The following SRBD1 variants were observed in gnomAD, a reference collection of about 807,000 sequenced individuals.
SRBD1 encodes S1 RNA-binding domain-containing protein 1.
Under a neutral mutation model 115.3 loss-of-function variants are expected in SRBD1, and 88 were observed. The observed-to-expected ratio is 0.76, with a 90% confidence interval of 0.64 to 0.91. The LOEUF is 0.91. Ranked by LOEUF, SRBD1 falls within the 40% of genes least tolerant of loss-of-function variation. The probability of loss-of-function intolerance (pLI) is 0.00; values close to 1 mark genes in which losing one functional copy is unlikely to be tolerated. For missense variants in SRBD1, 1,385 were observed against 1,177.4 expected (o/e 1.18, Z -2.58); for synonymous variants, 509 against 407.7 (o/e 1.25, Z -2.99).
chr2:45,565,989 G>T lies in SRBD1; in HGVS notation c.1306-3233C>A, dbSNP rs148107782. ...ATTTGTTCAAAAATTATATACAAAT[G>T]ACTGATAAGTACATGAATAGATGCT... is the stretch of plus-strand genomic sequence containing the variant. On this transcript the variant is annotated intron_variant, in intron 9 of 20. Coordinates refer to ENST00000263736, the MANE Select transcript of SRBD1 (RefSeq NM_018079.5). Among the ~76,000 whole-genome samples the T allele has an allele frequency of 3.0e-3, 452 of 152,264 alleles. 4 individuals are homozygous for T. Among genetic ancestry groups the T allele is most frequent in the African/African-American group, 0.011 (438 of 41,546 alleles).
intron 17 of SRBD1, among the ~76,000 whole-genome samples, chr2:45,419,520 T>A (rs902320545): frequency 3.3e-5 from 5 of 152,240 alleles, no homozygotes; most frequent in Non-Finnish European, 7.3e-5. Context: ...GTTAACCTTA[T>A]TTAAATTCTA....
At chr2:45,569,500 T>C (rs1327232527) in intron 9 of SRBD1, 1 of 152,234 alleles carries the variant, frequency 6.6e-6, no homozygotes, top group East Asian at 1.9e-4. Context: ...AACAATTACA[T>C]TCTTAATGAT....
intron 19 of SRBD1, among the ~76,000 whole-genome samples, chr2:45,403,314 A>G (rs1038868721): frequency 7.2e-6 from 1 of 139,828 alleles, no homozygotes; most frequent in African/African-American, 2.7e-5. Context: ...CATTGACCAC[A>G]GCCAGTTTAG....
chr2:45,555,551 C>T (rs1347206670), intron 10 of SRBD1, among the ~76,000 whole-genome samples: 7 of 138,798 alleles, frequency 5.0e-5, no homozygotes, highest in South Asian at 2.3e-4. Flanking sequence ...AGTGCAGTGG[C>T]GCGATCCCGG....
intron 16 of SRBD1, among the ~76,000 whole-genome samples, chr2:45,444,559 C>T (rs1668762936): frequency 6.6e-6 from 1 of 152,028 alleles, no homozygotes; most frequent in Non-Finnish European, 1.5e-5. Context: ...TGAATGAATC[C>T]TTTTTGTTCA....
At chr2:45,543,302 A>T (rs1672005197) in intron 14 of SRBD1, among the ~76,000 whole-genome samples, 1 of 152,158 alleles carries the variant, frequency 6.6e-6, no homozygotes, top group East Asian at 1.9e-4. Flanking sequence ...ATGATTCGTA[A>T]GGTATTTTAA....
chr2:45,444,134 A>T (rs1031341579), intron 16 of SRBD1, among the ~76,000 whole-genome samples: 1 of 152,188 alleles, frequency 6.6e-6, no homozygotes, highest in Non-Finnish European at 1.5e-5. Context: ...GGCCAGGAGC[A>T]GTGGCTCACA....
At chr2:45,431,018 C>T (rs923337634) in intron 16 of SRBD1, among the ~76,000 whole-genome samples, 10 of 152,058 alleles carry the variant, frequency 6.6e-5, no homozygotes, top group South Asian at 2.1e-4. Flanking sequence ...GACATTTATG[C>T]GGCCAACAAA....
chr2:45,401,129 A>C (rs1667281707), intron 19 of SRBD1, among the ~76,000 whole-genome samples: 1 of 152,164 alleles, frequency 6.6e-6, no homozygotes, highest in Non-Finnish European at 1.5e-5. Context: ...AACTAGAGTA[A>C]GATGCTTAGG....
Position 45,418,657 on chromosome 2 carries a change from G to C in SRBD1, c.2157-116C>G, listed in dbSNP as rs1572618643. ...ACATATCCTCATACGGCTAAGTTAA[G>C]TTAATCCAAAAGGGAGTTTAAAAAA... On this transcript the variant is annotated intron_variant, in intron 17 of 20. Transcript: ENST00000263736. 7 of 699,154 alleles carry C rather than the reference G, an allele frequency of 1.0e-5. No individual in the cohort carries two copies. The East Asian group carries it at 3.3e-4, about 33-fold the overall frequency. The allele number at this position is 699,154 out of a possible 1,614,324, so 43.3% of individuals were successfully genotyped here.
At chr2:45,489,503 G>A (rs895041351) in intron 14 of SRBD1, among the ~76,000 whole-genome samples, 20 of 151,102 alleles carry the variant, frequency 1.3e-4, no homozygotes, top group Non-Finnish European at 3.0e-4. Flanking sequence ...TGGGGAATGT[G>A]ACAACTTCTC....
chr2:45,556,680 C>A (rs1435111818), intron 10 of SRBD1, among the ~76,000 whole-genome samples: 1 of 151,962 alleles, frequency 6.6e-6, no homozygotes, highest in Non-Finnish European at 1.5e-5. Flanking sequence ...GCAGGCCAGT[C>A]TCGAACTGCT....
chr2:45,605,538 G>A, intron 1 of SRBD1, 97 bp from the exon 2 acceptor site: 2 of 1,134,580 alleles, frequency 1.8e-6, no homozygotes, highest in Non-Finnish European at 1.3e-6. Context: ...CATTTCATAG[G>A]AAAAAAACAA....
At chr2:45,600,917 G>A (rs1674071893) in intron 3 of SRBD1, among the ~76,000 whole-genome samples, 1 of 152,122 alleles carries the variant, frequency 6.6e-6, no homozygotes, top group Non-Finnish European at 1.5e-5. Flanking sequence ...ACCTCCACCT[G>A]AATGCCAACC....
Position 45,418,532 on chromosome 2 carries a change from T to C in SRBD1, c.2166A>G (p.Ala722=), listed in dbSNP as rs1323005396. The C allele has an allele frequency of 6.2e-7, 1 of 1,603,868 alleles. No individual in the cohort carries two copies. The highest frequency in any genetic ancestry group is 2.2e-5 in the East Asian group (1 of 44,810). The change falls in exon 18 of 21, where the codon GCA becomes GCG. Residue 722 remains alanine, a synonymous_variant. Transcript: ENST00000263736. ...TTTTGGCCCTGTTGGCATTGAGTCC[T>C]GCAATATGCCTAGAAAAAAAAAATA... ...ICSEVLLRHI[A]GLNANRAKNI... is the part of the protein sequence containing the mutation.
At chr2:45,461,518 T>C (rs1246254504) in intron 16 of SRBD1, among the ~76,000 whole-genome samples, 1 of 152,194 alleles carries the variant, frequency 6.6e-6, no homozygotes, top group Non-Finnish European at 1.5e-5. Context: ...ACAAGTGCTT[T>C]CTATATACTG....
At chr2:45,598,396 C>T (rs963880249) in intron 4 of SRBD1, among the ~76,000 whole-genome samples, 2 of 152,006 alleles carry the variant, frequency 1.3e-5, no homozygotes, top group Admixed American at 6.6e-5. Flanking sequence ...GGGCAGATCA[C>T]GAGGCAGGCA....
At chr2:45,536,396 C>T (rs1255937626) in intron 14 of SRBD1, among the ~76,000 whole-genome samples, 3 of 151,894 alleles carry the variant, frequency 2.0e-5, no homozygotes, top group South Asian at 4.1e-4. Flanking sequence ...AGGTAGAAGA[C>T]TTGTTCTAGC....
At chr2:45,398,468 C>T (rs977307409) in intron 19 of SRBD1, among the ~76,000 whole-genome samples, 4 of 152,130 alleles carry the variant, frequency 2.6e-5, no homozygotes, top group African/African-American at 9.7e-5. Context: ...CTGTTACCTG[C>T]TTCTGACTTC....
Sources: allele counts gnomAD v4.1 joint callset (sites outside exome capture counted in the v4.1 genomes callset), GRCh38; gene constraint gnomAD v4.1.1; transcripts MANE v1.5; gene names NCBI Gene and HGNC (gene_info 2026-07-23, HGNC 2026-07-21).